KTN1: variants seen among roughly 807,000 people sequenced by gnomAD.
The protein encoded by KTN1 is kinectin 1.
KTN1 carries 130 observed loss-of-function variants against 222.5 expected under a neutral mutation model. That is an observed-to-expected ratio of 0.58 (90% CI 0.51 to 0.68). The LOEUF (loss-of-function observed/expected upper bound fraction) is 0.68, where lower values mean the gene tolerates loss of function less well. KTN1 is among the 30% of genes least tolerant of loss of function. The pLI is 0.00. For synonymous variants in KTN1, 512 were observed against 496.3 expected, an observed-to-expected ratio of 1.03 and a Z score of -0.42; for missense variants, 1,508 against 1,500.4, an observed-to-expected ratio of 1.01 and a Z score of -0.08.
chr14:55,611,981 C>CG (rs561308316), intron 1 of KTN1, 38 bp from the exon 2 acceptor site: 59,383 of 765,780 alleles, frequency 0.078, 1,579 homozygotes, highest in Non-Finnish European at 0.087. Context: ...CTGACAGGTT[C>CG]TTTTTTTTTT....
At chr14:55,671,330 C>G (rs992851341) in intron 35 of KTN1, 1 of 487,824 alleles carries the variant, frequency 2.0e-6, no homozygotes, top group African/African-American at 2.0e-5. Flanking sequence ...TTTGATCTTA[C>G]CACCTGACTA....
intron 18 of KTN1, among the ~76,000 whole-genome samples, chr14:55,642,282 C>G (rs2041881366): frequency 1.3e-5 from 2 of 152,176 alleles, no homozygotes; most frequent in African/African-American, 4.8e-5. Flanking sequence ...TTGTTTATGA[C>G]AGGTATCTAA....
At chr14:55,616,488 A>G (rs1476613435) in intron 2 of KTN1, 29 bp from the exon 3 acceptor site, 5 of 1,549,278 alleles carry the variant, frequency 3.2e-6, no homozygotes, top group East Asian at 2.3e-5. Flanking sequence ...GTTTGCCACA[A>G]TTATTTTTTT....
chr14:55,626,909 T>G (rs533305459), intron 5 of KTN1, among the ~76,000 whole-genome samples: 3 of 152,278 alleles, frequency 2.0e-5, no homozygotes, highest in African/African-American at 7.2e-5. Flanking sequence ...CCAAGAAAGT[T>G]CCTGCTTGCA....
intron 39 of KTN1, 65 bp from the exon 40 acceptor site, chr14:55,673,107 C>T (rs916957258): frequency 6.7e-6 from 10 of 1,494,016 alleles, no homozygotes; most frequent in African/African-American, 5.5e-5. Flanking sequence ...GCAGAGCTTC[C>T]GAGTAGCATA....
intron 4 of KTN1, among the ~76,000 whole-genome samples, chr14:55,618,583 C>G (rs922596122): frequency 2.0e-5 from 3 of 152,090 alleles, no homozygotes; most frequent in African/African-American, 7.2e-5. Context: ...TCCTTTGAGT[C>G]TGATGGGTGG....
At chr14:55,584,633 C>G (rs1227503852) in intron 1 of KTN1, among the ~76,000 whole-genome samples, 1 of 152,152 alleles carries the variant, frequency 6.6e-6, no homozygotes, top group African/African-American at 2.4e-5. Flanking sequence ...GTACCTTGCT[C>G]CGTTTTCTTT....
chr14:55,657,467 T>C (rs1326976993), intron 29 of KTN1, among the ~76,000 whole-genome samples: 20 of 152,014 alleles, frequency 1.3e-4, no homozygotes, highest in Non-Finnish European at 2.9e-5. Context: ...CCTTTTGTTA[T>C]TATATGAGGT....
intron 25 of KTN1, among the ~76,000 whole-genome samples, chr14:55,652,628 T>A (rs575862431): frequency 1.3e-5 from 2 of 152,318 alleles, no homozygotes; most frequent in South Asian, 4.1e-4. Flanking sequence ...CTTGATCTCC[T>A]GACCTTGTGA....
chr14:55,640,348 T>G, intron 14 of KTN1, 26 bp from the exon 15 acceptor site: 3 of 1,438,590 alleles, frequency 2.1e-6, no homozygotes, highest in Non-Finnish European at 2.9e-6. Flanking sequence ...ATTAAGTATT[T>G]TAAATGCTAT....
chr14:55,617,287 GA>G (rs1486074252), intron 3 of KTN1, among the ~76,000 whole-genome samples: 7 of 152,106 alleles, frequency 4.6e-5, no homozygotes, highest in African/African-American at 1.7e-4. Flanking sequence ...AGCTCTTTTT[GA>G]AAGGTAGGAA....
At position 55,684,125 on chromosome 14, in the gene KTN1, T is replaced by C; in HGVS notation, c.*22T>C. On this transcript the variant is annotated 3_prime_UTR_variant, in exon 44 of 44. Coordinates refer to ENST00000395314, the MANE Select transcript of KTN1 (RefSeq NM_001079521.2). ...GTGAAGTAATTGGGAAACTGTTCAT[T>C]TGAGGATAAAAAAGGCATTGTATTA... 2.5e-6 allele frequency: 4 copies of C among 1,592,822 alleles called. No homozygotes were observed. Among genetic ancestry groups the C allele is most frequent in the Non-Finnish European group, 3.4e-6 (4 of 1,164,786 alleles).
chr14:55,597,569 G>T (rs2035261092), intron 1 of KTN1, among the ~76,000 whole-genome samples: 2 of 152,148 alleles, frequency 1.3e-5, no homozygotes, highest in Admixed American at 1.3e-4. Context: ...TTGAAATGTA[G>T]AAGGGCTGGC....
At position 55,630,041 on chromosome 14, in the gene KTN1, G is replaced by A; in HGVS notation, c.1165G>A (p.Val389Ile). 1.9e-6 allele frequency: 3 copies of A among 1,605,590 alleles called. No individual in the cohort carries two copies. The highest frequency in any genetic ancestry group is 2.6e-6 in the Non-Finnish European group (3 of 1,172,334). Residue 389 changes from valine to isoleucine, a missense_variant, in exon 7 of 44, where the codon GTA (valine) becomes ATA (isoleucine). Transcript: ENST00000395314. ...RIGTLEKEHN[V>I]FQNKIHVSYQ... ...TGGAACATTAGAAAAGGAACATAAT[G>A]TATTTCAAAACAAAATACATGTCAG...
In KTN1 at chr14:55,641,143, GATAAA is replaced by G; in HGVS notation, c.2043_2047del (p.Arg683AlafsTer8). ...CCCTCATAGTGTTTATGTTAAAGAT[GATAAA>G]ATAAGATTGCTGGAAGAGCAACTAC... On this transcript the variant is annotated frameshift_variant, in exon 17 of 44. Transcript: ENST00000395314. LOFTEE classifies it high-confidence loss of function. The G allele has an allele frequency of 3.2e-6, 5 of 1,584,488 alleles. No homozygotes were observed. The highest frequency in any genetic ancestry group is 4.3e-6 in the Non-Finnish European group (5 of 1,164,866).
rs1225010135 is a variant in KTN1 at position 55,678,460 on chromosome 14, A to G, written c.3948+16A>G. On this transcript the variant is annotated intron_variant, in intron 42 of 43. Transcript: ENST00000395314. The stretch of plus-strand genomic sequence containing the variant: ...CCCAGAAACGGTATGTATTTTCTTC[A>G]TCCCCAGATCTCTGAGCTAGTTACC... The G allele has an allele frequency of 1.3e-6, 2 of 1,486,662 alleles. No individual in the cohort carries two copies. The highest frequency in any genetic ancestry group is 2.3e-5 in the East Asian group (1 of 44,234). The allele number at this position is 1,486,662 out of a possible 1,614,324, so 92.1% of individuals were successfully genotyped here. A position where few individuals can be genotyped will look rare whatever the true frequency, so the allele number is the denominator to read the frequency against.
chr14:55,644,181 G>T (rs2141029152), intron 18 of KTN1: 2,334 of 320,616 alleles, frequency 7.3e-3, no homozygotes, highest in Middle Eastern at 0.011. Flanking sequence ...TTTTATTGTT[G>T]CTGCTAGTGA....
chr14:55,678,299 TA>T, intron 41 of KTN1, 52 bp from the exon 42 acceptor site: 11 of 986,228 alleles, frequency 1.1e-5, no homozygotes, highest in South Asian at 2.9e-5. Context: ...ATTCATTTTT[TA>T]TGTATTTATC....
intron 28 of KTN1, among the ~76,000 whole-genome samples, chr14:55,654,734 T>A (rs568216356): frequency 6.6e-6 from 1 of 152,232 alleles, no homozygotes; most frequent in Admixed American, 6.5e-5. Flanking sequence ...AAGTTCATAG[T>A]TTCCATTAGG....
Sources: allele counts gnomAD v4.1 joint callset (sites outside exome capture counted in the v4.1 genomes callset), GRCh38; gene constraint gnomAD v4.1.1; transcripts MANE v1.5; gene names NCBI Gene and HGNC (gene_info 2026-07-23, HGNC 2026-07-21).